Variants in IQGAP1 observed in about 807,000 individuals in gnomAD.
IQGAP1 encodes IQ motif containing GTPase activating protein 1, also known as ras GTPase-activating-like protein IQGAP1.
Under a neutral mutation model 215.6 loss-of-function variants are expected in IQGAP1, and 66 were observed. The ratio of observed to expected loss-of-function variants is 0.31; its 90% CI spans 0.25 to 0.38. The LOEUF is 0.38. Ranked by LOEUF, IQGAP1 falls within the 10% of genes least tolerant of loss-of-function variation. The pLI is 1.00. For missense variants in IQGAP1, 1,712 were observed against 1,997.1 expected, an observed-to-expected ratio of 0.86 and a Z score of 2.72; for synonymous variants, 772 against 728.7, an observed-to-expected ratio of 1.06 and a Z score of -0.96.
chr15:90,394,981 G>A (rs912633546), intron 2 of IQGAP1, among the ~76,000 whole-genome samples: 9 of 152,146 alleles, frequency 5.9e-5, no homozygotes, highest in African/African-American at 1.9e-4. Context: ...GTAGAGAGAC[G>A]AAAGTTTTCT....
chr15:90,455,770 CTTT>C (rs1965671163), intron 14 of IQGAP1, among the ~76,000 whole-genome samples: 1 of 152,180 alleles, frequency 6.6e-6, no homozygotes, highest in African/African-American at 2.4e-5. Context: ...AATTAGATGA[CTTT>C]TTAAGAACCC....
chr15:90,431,028 A>G (rs1212168054), intron 4 of IQGAP1, among the ~76,000 whole-genome samples: 2 of 148,160 alleles, frequency 1.3e-5, no homozygotes, highest in Non-Finnish European at 3.0e-5. Flanking sequence ...TGTAATATAT[A>G]ATCATATATA....
At chr15:90,390,303 C>CA (rs1491244913) in intron 1 of IQGAP1, among the ~76,000 whole-genome samples, 1 of 152,210 alleles carries the variant, frequency 6.6e-6, no homozygotes, top group Non-Finnish European at 1.5e-5. Flanking sequence ...CACCCAGCCT[C>CA]AGTTTCTTCG....
chr15:90,434,731 A>G (rs994372775), intron 5 of IQGAP1, among the ~76,000 whole-genome samples: 1 of 152,216 alleles, frequency 6.6e-6, no homozygotes, highest in Non-Finnish European at 1.5e-5. Flanking sequence ...TATACTTACC[A>G]GTTGAGCATG....
intron 29 of IQGAP1, 91 bp from the exon 30 acceptor site, chr15:90,484,129 C>A: frequency 8.9e-7 from 1 of 1,126,862 alleles, no homozygotes; most frequent in Non-Finnish European, 1.3e-6. Flanking sequence ...CTTCTGTTTG[C>A]ACTCATTGTG....
At chr15:90,498,585 G>A (rs1396045446) in intron 37 of IQGAP1, among the ~76,000 whole-genome samples, 4 of 152,220 alleles carry the variant, frequency 2.6e-5, no homozygotes, top group Admixed American at 1.3e-4. Context: ...TTAGGCACAG[G>A]TCCCAGCAGC....
intron 1 of IQGAP1, among the ~76,000 whole-genome samples, chr15:90,389,283 A>G (rs1964599958): frequency 6.6e-6 from 1 of 151,876 alleles, no homozygotes; most frequent in Non-Finnish European, 1.5e-5. Flanking sequence ...CTAGCCATAC[A>G]GAGTAATGTA....
At chr15:90,495,661 T>C (rs1966262146) in intron 36 of IQGAP1, among the ~76,000 whole-genome samples, 1 of 148,586 alleles carries the variant, frequency 6.7e-6, no homozygotes, top group Non-Finnish European at 1.5e-5. Context: ...CTTTTTTTTT[T>C]TTCACGGAGT....
chr15:90,473,664 C>G, intron 19 of IQGAP1, 51 bp from the exon 20 acceptor site: 2 of 1,322,624 alleles, frequency 1.5e-6, no homozygotes, highest in Non-Finnish European at 2.1e-6. Flanking sequence ...TTTTTAACTT[C>G]CATTGATGCT....
intron 11 of IQGAP1, among the ~76,000 whole-genome samples, chr15:90,451,109 T>A (rs528899001): frequency 6.6e-6 from 1 of 152,344 alleles, no homozygotes; most frequent in Non-Finnish European, 1.5e-5. Flanking sequence ...GTCTTAGATT[T>A]AAGTCTTTAA....
At chr15:90,477,024 T>A (rs1484277200) in intron 24 of IQGAP1, 43 bp from the exon 25 acceptor site, 1 of 1,579,166 alleles carries the variant, frequency 6.3e-7, no homozygotes, top group African/African-American at 1.4e-5. Context: ...CTTGCCAGCC[T>A]TTATATTACC....
chr15:90,499,372 G>A (rs1596297498), intron 37 of IQGAP1, among the ~76,000 whole-genome samples: 3 of 152,258 alleles, frequency 2.0e-5, no homozygotes, highest in Admixed American at 2.0e-4. Context: ...TTTTTGTGAG[G>A]ACTTTAAAAG....
At chr15:90,390,117 A>G (rs1454096072) in intron 1 of IQGAP1, among the ~76,000 whole-genome samples, 1 of 152,192 alleles carries the variant, frequency 6.6e-6, no homozygotes, top group African/African-American at 2.4e-5. Context: ...GTTTCCAAAA[A>G]TAGTTGGGAC....
intron 18 of IQGAP1, among the ~76,000 whole-genome samples, chr15:90,472,505 C>T (rs960008112): frequency 3.9e-5 from 6 of 152,142 alleles, no homozygotes; most frequent in South Asian, 2.1e-4. Context: ...CTGTTGGGTA[C>T]CTGTCACTCT....
At chr15:90,492,418 C>CT (rs1966217962) in intron 34 of IQGAP1, 127 bp from the exon 35 acceptor site, 9 of 491,088 alleles carry the variant, frequency 1.8e-5, no homozygotes, top group East Asian at 7.6e-5. Context: ...AACAGAGTGT[C>CT]TAAAAAAAAA....
At position 90,491,522 on chromosome 15, in the gene IQGAP1, G is replaced by C. The variant is rs780649002; in HGVS notation, c.4438G>C (p.Glu1480Gln). ...CGTGGACCCAAAGAACAAATACCAG[G>C]AACTGATCAACGACATTGCCAGGGT... The part of the protein sequence containing the change: ...GTVDPKNKYQ[E>Q]LINDIARDIR... Residue 1480 changes from glutamate to glutamine, a missense_variant, in exon 34 of 38, where the codon GAA (glutamate) becomes CAA (glutamine). Glu to Gln is a conservative substitution (Grantham distance 29). Transcript: ENST00000268182. 6.2e-7 allele frequency: 1 copy of C among 1,614,054 alleles called. No individual in the cohort carries two copies. Among genetic ancestry groups the C allele is most frequent in the Non-Finnish European group, 8.5e-7 (1 of 1,179,940 alleles).
At chr15:90,394,282 C>G (rs893226538) in intron 2 of IQGAP1, among the ~76,000 whole-genome samples, 4 of 149,706 alleles carry the variant, frequency 2.7e-5, no homozygotes, top group Non-Finnish European at 4.4e-5. Context: ...GGTGCCTGGT[C>G]TATTTTATGG....
intron 5 of IQGAP1, 121 bp from the exon 6 acceptor site, chr15:90,439,211 G>A: frequency 1.7e-6 from 1 of 601,104 alleles, no homozygotes; most frequent in East Asian, 2.9e-5. Flanking sequence ...ACTGTCGTAG[G>A]TACTGGGAGT....
intron 8 of IQGAP1, among the ~76,000 whole-genome samples, chr15:90,442,618 G>A (rs1965467596): frequency 6.6e-6 from 1 of 152,130 alleles, no homozygotes; most frequent in African/African-American, 2.4e-5. Flanking sequence ...AGTAGCTGCT[G>A]CCCTGCCTCT....
Sources: allele counts gnomAD v4.1 joint callset (sites outside exome capture counted in the v4.1 genomes callset), GRCh38; gene constraint gnomAD v4.1.1; transcripts MANE v1.5; gene names NCBI Gene and HGNC (gene_info 2026-07-23, HGNC 2026-07-21).